Variants in SATB2 observed in about 807,000 individuals in gnomAD.
SATB2 encodes the protein DNA-binding protein SATB2.
SATB2 carries 1 observed loss-of-function variant against 73.4 expected under a neutral mutation model. The observed-to-expected ratio is 0.01, with a 90% CI of 0.00 to 0.06. SATB2 has a LOEUF of 0.06. Among genes scored for constraint, SATB2 ranks in the 10% least tolerant of loss-of-function variants. The pLI, the probability that SATB2 is intolerant of heterozygous loss-of-function variation, is 1.00. For missense variants in SATB2, 459 were observed against 945.8 expected, an observed-to-expected ratio of 0.49 and a Z score of 6.75; for synonymous variants, 397 against 367.0, an observed-to-expected ratio of 1.08 and a Z score of -0.93.
upstream of SATB2, chr2:199,460,361 C>T (rs1425363286): frequency 2.0e-5 from 3 of 152,296 alleles, no homozygotes; most frequent in African/African-American, 7.2e-5. The surrounding 1 kb of genome is among the most constrained non-coding windows in gnomAD (Gnocchi z 4.0). Context: ...AGCCAACTAC[C>T]ACTGTCAAAC....
At chr2:199,342,337 T>C (rs989616611) in intron 7 of SATB2, among the ~76,000 whole-genome samples, 7 of 151,948 alleles carry the variant, frequency 4.6e-5, no homozygotes, top group Non-Finnish European at 7.4e-5. Context: ...CCTTATCACT[T>C]TCACCTTACT....
At chr2:199,313,447 C>T (rs1035925338) in intron 9 of SATB2, among the ~76,000 whole-genome samples, 12 of 152,058 alleles carry the variant, frequency 7.9e-5, no homozygotes, top group African/African-American at 2.9e-4. Context: ...TTAAAAGTTC[C>T]CAAGCATTAG....
intron 3 of SATB2, among the ~76,000 whole-genome samples, chr2:199,420,567 C>A (rs1283410966): frequency 6.6e-6 from 1 of 152,074 alleles, no homozygotes; most frequent in African/African-American, 2.4e-5. Flanking sequence ...GTTTTAATCC[C>A]CTGATTTACA....
intron 9 of SATB2, among the ~76,000 whole-genome samples, chr2:199,309,646 A>G (rs1394494697): frequency 6.6e-6 from 1 of 152,206 alleles, no homozygotes; most frequent in Non-Finnish European, 1.5e-5. Context: ...TTGCAACTGC[A>G]TGAGAAAGAA....
intron 7 of SATB2, among the ~76,000 whole-genome samples, chr2:199,343,666 CAG>C (rs1411356789): frequency 1.3e-5 from 2 of 152,182 alleles, no homozygotes; most frequent in African/African-American, 2.4e-5. Context: ...TTATACACAA[CAG>C]GTTATGATCC....
At chr2:199,282,992 T>C (rs1692572210) in intron 10 of SATB2, among the ~76,000 whole-genome samples, 1 of 152,192 alleles carries the variant, frequency 6.6e-6, no homozygotes, top group Non-Finnish European at 1.5e-5. Context: ...TCTTTATCAA[T>C]GATTCTCAAA....
intron 8 of SATB2, among the ~76,000 whole-genome samples, chr2:199,327,323 C>T (rs1294920980): frequency 1.3e-5 from 2 of 152,124 alleles, no homozygotes; most frequent in African/African-American, 4.8e-5. Context: ...TGCCTGTAAT[C>T]CCAGCTACTC....
chr2:199,454,382 A>C (rs182794350), intron 2 of SATB2, among the ~76,000 whole-genome samples: 1 of 152,126 alleles, frequency 6.6e-6, no homozygotes. Context: ...AGCACTTAGC[A>C]TATCTCATAA....
At chr2:199,357,710 G>C (rs1689027364) in intron 6 of SATB2, among the ~76,000 whole-genome samples, 1 of 151,870 alleles carries the variant, frequency 6.6e-6, no homozygotes, top group Non-Finnish European at 1.5e-5. Context: ...TAAATATAGT[G>C]ATTATATTTA....
rs1692191899 is a variant in SATB2 at position 199,272,575 on chromosome 2, T to C, written c.1838A>G (p.Lys613Arg). ...PPPPTEDSCA[K>R]KPRSRTKISL... Reference sequence around the variant, plus strand: ...GATCTTTGTGCGAGACCGGGGCTTTTTGGCACAACTGTCTTCAGTCGGAGG... The same window carrying C: ...GATCTTTGTGCGAGACCGGGGCTTTCTGGCACAACTGTCTTCAGTCGGAGG... The change falls in exon 11 of 11, where the codon AAA becomes AGA. Residue 613 changes from lysine (K) to arginine (R), a missense_variant. Transcript: ENST00000417098. This position sits in a 1 kb window ranked among gnomAD's most constrained non-coding sequence, Gnocchi z 6.7. 3.1e-6 allele frequency: 5 copies of C among 1,614,156 alleles called. No individual in the cohort carries two copies. Among genetic ancestry groups the C allele is most frequent in the Non-Finnish European group, 3.4e-6 (4 of 1,180,010 alleles).
intron 6 of SATB2, among the ~76,000 whole-genome samples, chr2:199,350,717 C>G (rs1688790036): frequency 6.6e-6 from 1 of 151,978 alleles, no homozygotes; most frequent in Non-Finnish European, 1.5e-5. Flanking sequence ...GTGCTTTTTC[C>G]TGCTTTTTAA....
rs186435790 is a variant in SATB2, at chr2:199,391,411, C to T, written c.347-9591G>A. 2.1e-3 allele frequency among the ~76,000 whole-genome samples: 264 copies of T among 125,190 alleles called. 1 individual carries two copies. The highest frequency in any genetic ancestry group is 0.016 in the Middle Eastern group (3 of 182). The allele number at this position is 125,190 out of a possible 152,430, so 82.1% of individuals were successfully genotyped here. On this transcript the variant is annotated intron_variant, in intron 3 of 10. Transcript: ENST00000417098. ...TTGCGCCACTGCACTCCAGCCTGGG[C>T]GACAGAGCAAGACTCCGTCTCAAAA... is the stretch of plus-strand genomic sequence containing the variant.
In SATB2 at chr2:199,456,077, G is replaced by T; in HGVS notation, c.-40C>A. ...GAGACAAAGTTCCCACCGGCAGGTC[G>T]CAATAAAACGCACAGGGACCTAGGG... On this transcript the variant is annotated 5_prime_UTR_variant, in exon 2 of 11. Transcript: ENST00000417098. 1 of 1,051,294 alleles carries T rather than the reference G, an allele frequency of 9.5e-7. No individual in the cohort carries two copies. Among genetic ancestry groups the T allele is most frequent in the African/African-American group, 1.8e-5 (1 of 55,002 alleles). 65.1% of individuals were successfully genotyped at this position (1,051,294 alleles called of 1,614,324 possible).
chr2:199,454,725 T>TA (rs1405967410), intron 2 of SATB2, among the ~76,000 whole-genome samples: 2 of 151,964 alleles, frequency 1.3e-5, no homozygotes, highest in African/African-American at 2.4e-5. Context: ...GCAAAATAAG[T>TA]AAAAAGAAAA....
At chr2:199,369,453 C>T (rs1208062386) in intron 5 of SATB2, among the ~76,000 whole-genome samples, 1 of 152,134 alleles carries the variant, frequency 6.6e-6, no homozygotes, top group Non-Finnish European at 1.5e-5. Context: ...TAATTACACA[C>T]CTTGAATTGA....
intron 6 of SATB2, among the ~76,000 whole-genome samples, chr2:199,365,375 A>G (rs1166035793): frequency 6.6e-6 from 1 of 152,034 alleles, no homozygotes; most frequent in African/African-American, 2.4e-5. Flanking sequence ...TCAATGTCAA[A>G]TATTCCTGGG....
intron 9 of SATB2, among the ~76,000 whole-genome samples, chr2:199,316,157 G>C (rs993825575): frequency 9.2e-5 from 14 of 152,084 alleles, no homozygotes; most frequent in Non-Finnish European, 1.5e-5. Flanking sequence ...ACTGTGAAAG[G>C]ATTTCTCTTC....
intron 3 of SATB2, among the ~76,000 whole-genome samples, chr2:199,426,007 T>C (rs1436229472): frequency 6.6e-6 from 1 of 152,202 alleles, no homozygotes; most frequent in Non-Finnish European, 1.5e-5. Context: ...TAATGAGGGC[T>C]GAGACATGGT....
In SATB2 at chr2:199,457,172, G is replaced by A. The variant is rs914786819; in HGVS notation, c.-60+167C>T. 3.3e-5 allele frequency among the ~76,000 whole-genome samples: 5 copies of A among 152,198 alleles called. No homozygotes were observed. The highest frequency in any genetic ancestry group is 9.6e-5 in the African/African-American group (4 of 41,460). On this transcript the variant is annotated intron_variant, in intron 1 of 10. Transcript: ENST00000417098. This position sits in a 1 kb window ranked among gnomAD's most constrained non-coding sequence, Gnocchi z 4.8. Reference sequence around the variant, plus strand: ...GGTGGCAGGGGGAGGTGAAAGGAAGGATGCGAGATGAAGACACGGAGCAGG... The same window carrying A: ...GGTGGCAGGGGGAGGTGAAAGGAAGAATGCGAGATGAAGACACGGAGCAGG...
Sources: allele counts gnomAD v4.1 joint callset (sites outside exome capture counted in the v4.1 genomes callset), GRCh38; gene constraint gnomAD v4.1.1; non-coding constraint Gnocchi (gnomAD v3.1); transcripts MANE v1.5; gene names NCBI Gene and HGNC (gene_info 2026-07-23, HGNC 2026-07-21).